Variants in SLC45A4 observed in about 807,000 individuals in gnomAD.
SLC45A4 encodes the protein polyamine-transporter SLC45A4.
In SLC45A4, 32 loss-of-function variants were observed where a neutral mutation model predicts 63.7. The observed-to-expected ratio is 0.50, with a 90% CI of 0.38 to 0.67. SLC45A4 has a LOEUF of 0.67. SLC45A4 is among the 30% of genes least tolerant of loss of function. The pLI is 0.00. For synonymous variants in SLC45A4, 535 were observed against 510.0 expected, an observed-to-expected ratio of 1.05 and a Z score of -0.66; for missense variants, 1,027 against 1,157.7, an observed-to-expected ratio of 0.89 and a Z score of 1.64.
At position 141,218,272 on chromosome 8, in the gene SLC45A4, G is replaced by A. The variant is rs748332442; in HGVS notation, c.1368C>T (p.Ser456=). 20 of 1,603,658 alleles carry A rather than the reference G, an allele frequency of 1.2e-5. No homozygotes were observed. The highest frequency in any genetic ancestry group is 1.6e-4 in the Middle Eastern group (1 of 6,080). The change falls in exon 5 of 9, where the codon AGC becomes AGT. Residue 456 remains serine (S), a synonymous_variant. Coordinates refer to ENST00000517878, the MANE Select transcript of SLC45A4 (RefSeq NM_001286646.2). ...VVLIKPSRSM[S]DLYDMQKRQR... ...GCCGCTTCTGCATGTCGTACAGGTC[G>A]CTCATGCTGCGCGACGGCTTGATCA...
intron 8 of SLC45A4, 95 bp from the exon 9 acceptor site, chr8:141,211,792 TTTG>T (rs1401656667): frequency 1.1e-5 from 15 of 1,369,754 alleles, no homozygotes; most frequent in East Asian, 8.0e-5. Flanking sequence ...AATGTCAGAT[TTTG>T]TTTTCAATTA....
At chr8:141,219,312 C>T (rs1328860498) in intron 4 of SLC45A4, among the ~76,000 whole-genome samples, 3 of 152,270 alleles carry the variant, frequency 2.0e-5, no homozygotes, top group Non-Finnish European at 4.4e-5. Context: ...ATTCCCTCTG[C>T]ATACGGAGCT....
chr8:141,276,527 G>A (rs1829734233), intron 1 of SLC45A4, among the ~76,000 whole-genome samples: 1 of 152,184 alleles, frequency 6.6e-6, no homozygotes, highest in Admixed American at 6.5e-5. Context: ...CCCCACCCAG[G>A]AAAACAGCAG....
intron 2 of SLC45A4, among the ~76,000 whole-genome samples, chr8:141,250,757 A>AT (rs1828426927): frequency 6.6e-6 from 1 of 152,086 alleles, no homozygotes; most frequent in African/African-American, 2.4e-5. Context: ...TGTTAAATCC[A>AT]TTTTCGACTC....
At chr8:141,286,173 C>G (rs1250228724) in intron 1 of SLC45A4, among the ~76,000 whole-genome samples, 4 of 152,222 alleles carry the variant, frequency 2.6e-5, no homozygotes, top group Admixed American at 6.5e-5. Context: ...GGCTCCAGCC[C>G]TTGGGGTGCC....
intron 6 of SLC45A4, 69 bp from the exon 7 acceptor site, chr8:141,216,039 T>TC: frequency 2.2e-6 from 3 of 1,394,976 alleles, no homozygotes; most frequent in Non-Finnish European, 3.0e-6. Flanking sequence ...CCCTCCACCA[T>TC]CCCTCCCCTC....
At chr8:141,265,934 A>G (rs944137728) in intron 1 of SLC45A4, among the ~76,000 whole-genome samples, 5 of 152,184 alleles carry the variant, frequency 3.3e-5, no homozygotes, top group African/African-American at 1.2e-4. Flanking sequence ...CCAATCAACA[A>G]CTTCCTCTAT....
intron 1 of SLC45A4, among the ~76,000 whole-genome samples, chr8:141,281,750 A>G (rs1829955536): frequency 6.6e-6 from 1 of 152,258 alleles, no homozygotes; most frequent in African/African-American, 2.4e-5. Context: ...GCTCAAAAGA[A>G]TAAAAGAATC....
intron 1 of SLC45A4, among the ~76,000 whole-genome samples, chr8:141,294,372 C>T (rs1563680476): frequency 6.6e-6 from 1 of 152,216 alleles, no homozygotes; most frequent in Non-Finnish European, 1.5e-5. Context: ...CCAGCCCCTG[C>T]CTAGAAGCAG....
intron 1 of SLC45A4, among the ~76,000 whole-genome samples, chr8:141,302,467 G>A (rs1462407643): frequency 6.8e-6 from 1 of 147,440 alleles, no homozygotes; most frequent in African/African-American, 2.5e-5. Flanking sequence ...CTAAGTAGCT[G>A]GGATTATAGG....
intron 2 of SLC45A4, among the ~76,000 whole-genome samples, chr8:141,245,650 G>C (rs1185229068): frequency 6.6e-6 from 1 of 152,170 alleles, no homozygotes; most frequent in Non-Finnish European, 1.5e-5. Flanking sequence ...CTCAGAGGAG[G>C]CTGGACTCTT....
In SLC45A4 at chr8:141,211,470, C is replaced by T. The variant is rs1003326025; in HGVS notation, c.*102G>A. 1.9e-6 allele frequency: 3 copies of T among 1,600,668 alleles called. No individual in the cohort carries two copies. Among genetic ancestry groups the T allele is most frequent in the Admixed American group, 3.4e-5 (2 of 58,630 alleles). On this transcript the variant is annotated 3_prime_UTR_variant, in exon 9 of 9. Transcript: ENST00000517878. ...CTGTCTTCTGCCCAGGCCCCCCGGA[C>T]CAGCCTCCTCCCAGCTTTGGTGTGC...
Position 141,218,433 on chromosome 8 carries a change from T to G in SLC45A4, c.1207A>C (p.Thr403Pro). ...DALGGYTRVD[T>P]KPSATSSSMR... is the part of the protein sequence containing the mutation. Reference sequence around the variant, plus strand: ...GAGCTCGACGTGGCCGAGGGCTTCGTGTCCACCCTGGTGTAGCCGCCGAGG... The same window carrying G: ...GAGCTCGACGTGGCCGAGGGCTTCGGGTCCACCCTGGTGTAGCCGCCGAGG... The change falls in exon 5 of 9, where the codon ACG (threonine) becomes CCG (proline). Residue 403 changes from threonine to proline, a missense_variant. Coordinates refer to ENST00000517878, the MANE Select transcript of SLC45A4 (RefSeq NM_001286646.2). The G allele has an allele frequency of 6.2e-7, 1 of 1,612,204 alleles. No individual in the cohort carries two copies. The highest frequency in any genetic ancestry group is 8.5e-7 in the Non-Finnish European group (1 of 1,179,930).
rs981949459 is a variant in SLC45A4, at chr8:141,252,077, C to T, written c.241+1912G>A. Among the ~76,000 whole-genome samples the T allele has an allele frequency of 2.7e-5, 4 of 150,154 alleles. No individual in the cohort carries two copies. In the East Asian group the frequency reaches 7.8e-4, roughly 29 times the overall value. ...CCCTAAAACAACCAAAATAAGTAGG[C>T]TTGAAAATACTTTACCATGCAATAT... is the stretch of plus-strand genomic sequence containing the variant. On this transcript the variant is annotated intron_variant, in intron 2 of 8. Transcript: ENST00000517878.
At chr8:141,246,039 G>A (rs901545282) in intron 2 of SLC45A4, among the ~76,000 whole-genome samples, 1 of 152,164 alleles carries the variant, frequency 6.6e-6, no homozygotes, top group Non-Finnish European at 1.5e-5. Flanking sequence ...GAGAGAAAGG[G>A]CAGACTTGCT....
At chr8:141,267,644 A>G (rs1442603470) in intron 1 of SLC45A4, among the ~76,000 whole-genome samples, 1 of 152,218 alleles carries the variant, frequency 6.6e-6, no homozygotes, top group Non-Finnish European at 1.5e-5. Context: ...CTTTTGCTAT[A>G]TGGGGGAAAA....
At chr8:141,239,576 A>ACACACACACACG (rs1827799388) in intron 2 of SLC45A4, among the ~76,000 whole-genome samples, 1 of 13,550 alleles carries the variant, frequency 7.4e-5, no homozygotes. Context: ...GGAGCAAAGC[A>ACACACACACACG]CACACACACA....
chr8:141,250,268 CTT>C (rs1396902131), intron 2 of SLC45A4, among the ~76,000 whole-genome samples: 3 of 152,232 alleles, frequency 2.0e-5, no homozygotes, highest in Non-Finnish European at 4.4e-5. Flanking sequence ...GAAACCATAT[CTT>C]GAGTCCTCAT....
rs755893050 is a variant in SLC45A4, at chr8:141,218,410, G to A, written c.1230C>T (p.Ser410=). ...ACGCGTGCCGCCGCCGCCGCATGGAGCTCGACGTGGCCGAGGGCTTCGTGT... is the reference window on the plus strand; with the variant it reads ...ACGCGTGCCGCCGCCGCCGCATGGAACTCGACGTGGCCGAGGGCTTCGTGT... The part of the protein sequence containing the change: ...RVDTKPSATS[S]SMRRRRHAFR... Residue 410 remains serine, a synonymous_variant, in exon 5 of 9, where the codon AGC becomes AGT. Transcript: ENST00000517878. 1.2e-6 allele frequency: 2 copies of A among 1,610,560 alleles called. No individual in the cohort carries two copies. The highest frequency in any genetic ancestry group is 1.7e-6 in the Non-Finnish European group (2 of 1,179,900).
Sources: gnomAD v4.1 joint callset for allele counts (sites outside exome capture counted in the v4.1 genomes callset) on GRCh38, gnomAD v4.1.1 for gene constraint, MANE v1.5 for transcripts, NCBI Gene and HGNC (gene_info 2026-07-23, HGNC 2026-07-21) for gene names.